The following VBP1 variants were observed in gnomAD, a reference collection of about 807,000 sequenced individuals.
VBP1 encodes the protein VHL binding protein 1, also known as prefoldin subunit 3.
VBP1 carries 4 observed loss-of-function variants against 15.5 expected under a neutral mutation model. The observed-to-expected ratio is 0.26, with a 90% confidence interval of 0.13 to 0.59. The LOEUF (loss-of-function observed/expected upper bound fraction) is 0.59, where lower values mean the gene tolerates loss of function less well. VBP1 is among the 20% of genes least tolerant of loss of function. The pLI, the probability that VBP1 is intolerant of heterozygous loss-of-function variation, is 0.90. For missense variants in VBP1, 108 were observed against 139.6 expected, an observed-to-expected ratio of 0.77 and a Z score of 1.14; for synonymous variants, 61 against 52.1, an observed-to-expected ratio of 1.17 and a Z score of -0.74.
At chrX:155,199,259 G>A (rs1452834830) in intron 1 of VBP1, among the ~76,000 whole-genome samples, 3 of 108,892 alleles carry the variant, frequency 2.8e-5, no homozygotes, top group South Asian at 3.9e-4. Context: ...TAAAGAGAAC[G>A]CCACAAAGAT....
intron 1 of VBP1, among the ~76,000 whole-genome samples, chrX:155,203,709 T>A (rs987750808): frequency 3.6e-5 from 4 of 109,598 alleles, no homozygotes; most frequent in Non-Finnish European, 5.7e-5. Flanking sequence ...TGTATACATA[T>A]GTAACTAACC....
At chrX:155,231,190 T>C (rs1279223943) in intron 4 of VBP1, among the ~76,000 whole-genome samples, 1 of 111,993 alleles carries the variant, frequency 8.9e-6, no homozygotes, top group African/African-American at 3.2e-5. Flanking sequence ...AATACAGAGG[T>C]GTCCTTTCCA....
chrX:155,202,156 A>G (rs1363664812), intron 1 of VBP1, among the ~76,000 whole-genome samples: 2 of 112,115 alleles, frequency 1.8e-5, no homozygotes, highest in African/African-American at 3.2e-5. Flanking sequence ...GGGTAGGAAG[A>G]ATCAGTATTG....
intron 1 of VBP1, among the ~76,000 whole-genome samples, chrX:155,200,477 A>C (rs1416196098): frequency 9.0e-6 from 1 of 111,506 alleles, no homozygotes; most frequent in African/African-American, 3.3e-5. Flanking sequence ...GCTCGACTAC[A>C]TGGAAACTGA....
chrX:155,216,684 C>T (rs1006843696), intron 1 of VBP1, 109 bp downstream of exon 1: 13 of 1,056,412 alleles, frequency 1.2e-5, no homozygotes, highest in Non-Finnish European at 1.5e-5. Context: ...GCCAAGTGTT[C>T]AGGGAGGGGG....
intron 1 of VBP1, among the ~76,000 whole-genome samples, chrX:155,208,093 T>A (rs1241415873): frequency 8.9e-6 from 1 of 112,137 alleles, no homozygotes. Context: ...GAGGAAGCAG[T>A]AGGCTTGGTA....
chrX:155,233,684 G>A (rs2074757491), intron 4 of VBP1, among the ~76,000 whole-genome samples: 1 of 111,638 alleles, frequency 9.0e-6, no homozygotes, highest in Admixed American at 9.5e-5. Flanking sequence ...TGTAATACAG[G>A]CAAAACTATG....
At chrX:155,210,498 G>A (rs2074641003) in intron 2 of VBP1, among the ~76,000 whole-genome samples, 1 of 111,218 alleles carries the variant, frequency 9.0e-6, no homozygotes, top group South Asian at 3.8e-4. Flanking sequence ...CGCAGTTCTG[G>A]GCCCTCTGAG....
chrX:155,239,093 A>G lies in VBP1; in HGVS notation c.*251A>G. ...TTTTGCCTGTCATAAGAAAACTCTT[A>G]GCTGAAATGGCCGAAAACTGTGAGA... is the stretch of plus-strand genomic sequence containing the variant. On this transcript the variant is annotated 3_prime_UTR_variant, in exon 6 of 6. Coordinates refer to ENST00000286428, the MANE Select transcript of VBP1 (RefSeq NM_003372.7). 1 of 253,086 alleles carries G rather than the reference A, an allele frequency of 4.0e-6. No individual in the cohort carries two copies. The highest frequency in any genetic ancestry group is 6.9e-6 in the Non-Finnish European group (1 of 144,717). The allele number at this position is 253,086 out of a possible 1,213,427, so 20.9% of individuals were successfully genotyped here.
intron 1 of VBP1, among the ~76,000 whole-genome samples, chrX:155,218,819 A>G (rs1158569703): frequency 9.8e-5 from 11 of 112,101 alleles, no homozygotes; most frequent in Non-Finnish European, 1.7e-4. Context: ...GAGAGGTTAA[A>G]TAACTTCCCT....
chrX:155,236,411 A>AT (rs782742269), intron 5 of VBP1, 44 bp downstream of exon 5: 2 of 1,169,564 alleles, frequency 1.7e-6, no homozygotes, highest in South Asian at 1.9e-5. Context: ...AAGGAGAAAG[A>AT]TTTTTTTAAA....
At chrX:155,238,417 A>G (rs1042060138) in intron 5 of VBP1, among the ~76,000 whole-genome samples, 1 of 111,961 alleles carries the variant, frequency 8.9e-6, no homozygotes, top group Non-Finnish European at 1.9e-5. Flanking sequence ...ATGGCAGGAT[A>G]TGGGTTGAGT....
At chrX:155,200,909 A>T (rs1557307341) in intron 1 of VBP1, among the ~76,000 whole-genome samples, 1 of 110,428 alleles carries the variant, frequency 9.1e-6, no homozygotes, top group East Asian at 2.8e-4. Flanking sequence ...TAGATGCAAT[A>T]AAAAATGATA....
intron 1 of VBP1, among the ~76,000 whole-genome samples, chrX:155,198,105 G>A (rs1357848571): frequency 8.9e-6 from 1 of 112,781 alleles, no homozygotes; most frequent in African/African-American, 3.2e-5. Context: ...AAAGCAGCCA[G>A]GAAGCTCGAA....
At chrX:155,203,691 G>A (rs1018576930) in intron 1 of VBP1, among the ~76,000 whole-genome samples, 6 of 108,308 alleles carry the variant, frequency 5.5e-5, no homozygotes, top group Admixed American at 2.0e-4. Context: ...GCACACCAGC[G>A]TGGCACATGT....
chrX:155,212,799 T>G (rs960002119), upstream of VBP1: 9 of 111,793 alleles, frequency 8.1e-5, no homozygotes, highest in African/African-American at 2.9e-4. Flanking sequence ...GGGTGGGGGT[T>G]GCAGAAGGGT....
At chrX:155,197,784 C>T (rs12397843) in intron 1 of VBP1, among the ~76,000 whole-genome samples, 4,080 of 112,038 alleles carry the variant, frequency 0.036, 96 homozygotes, top group African/African-American at 0.056. Flanking sequence ...GCGCACTGTG[C>T]GCAAGCCGAA....
upstream of VBP1, chrX:155,213,398 T>C (rs1015296397): frequency 9.8e-5 from 11 of 111,801 alleles, no homozygotes; most frequent in African/African-American, 3.6e-4. Flanking sequence ...CTTGTGGAGA[T>C]TGGGACAGAA....
chrX:155,216,944 T>G (rs1557309094), intron 1 of VBP1, among the ~76,000 whole-genome samples: 1 of 112,136 alleles, frequency 8.9e-6, no homozygotes, highest in African/African-American at 3.2e-5. Flanking sequence ...GCATGGATGC[T>G]GGAGACACAG....
Sources: allele counts gnomAD v4.1 joint callset (sites outside exome capture counted in the v4.1 genomes callset), GRCh38; gene constraint gnomAD v4.1.1; transcripts MANE v1.5; gene names NCBI Gene and HGNC (gene_info 2026-07-23, HGNC 2026-07-21).